The following DNM1 variants were observed in gnomAD, a reference collection of about 807,000 sequenced individuals.
The protein encoded by DNM1 is dynamin 1, also known as dynamin-1.
In DNM1, 29 loss-of-function variants were observed where a neutral mutation model predicts 104.6. That is an observed-to-expected ratio of 0.28 (90% CI 0.21 to 0.38). DNM1 has a LOEUF of 0.38. Ranked by LOEUF, DNM1 falls within the 10% of genes least tolerant of loss-of-function variation. The pLI, the probability that DNM1 is intolerant of heterozygous loss-of-function variation, is 1.00. For synonymous variants in DNM1, 445 were observed against 475.8 expected, an observed-to-expected ratio of 0.94 and a Z score of 0.84; for missense variants, 640 against 1,189.4, an observed-to-expected ratio of 0.54 and a Z score of 6.79.
Position 128,218,906 on chromosome 9 carries a change from C to A in DNM1, c.386-143C>A. The stretch of plus-strand genomic sequence containing the variant: ...CACTTCCGGCCACGCCTCCAACAGA[C>A]TGCCACTTTCGCCCTGAGATTTCCT... On this transcript the variant is annotated intron_variant, in intron 3 of 21. Coordinates refer to ENST00000372923, the MANE Select transcript of DNM1 (RefSeq NM_004408.4). This position sits in a 1 kb window ranked among gnomAD's most constrained non-coding sequence, Gnocchi z 4.8. 1 of 1,280,994 alleles carries A rather than the reference C, an allele frequency of 7.8e-7. No individual in the cohort carries two copies. Among genetic ancestry groups the A allele is most frequent in the Non-Finnish European group, 1.1e-6 (1 of 934,424 alleles). 79.4% of individuals were successfully genotyped at this position (1,280,994 alleles called of 1,614,324 possible).
chr9:128,218,170 C>T lies in DNM1; in HGVS notation c.162-61C>T. ...GCTTTCCCAGGGGCCGGACAGGTAC[C>T]CCTGGGACAGAGGGCGCCCCCTCAT... is the stretch of plus-strand genomic sequence containing the variant. On this transcript the variant is annotated intron_variant, in intron 1 of 21. Transcript: ENST00000372923. The surrounding 1 kb of genome is among the most constrained non-coding windows in gnomAD (Gnocchi z 4.8). 2.6e-6 allele frequency: 4 copies of T among 1,532,568 alleles called. No homozygotes were observed. The highest frequency in any genetic ancestry group is 2.2e-5 in the East Asian group (1 of 44,494). 94.9% of individuals were successfully genotyped at this position (1,532,568 alleles called of 1,614,324 possible).
rs1564330707 is a variant in DNM1 at position 128,220,744 on chromosome 9, T to TGCGC, written c.849+404_849+405insCGCG. Among the ~76,000 whole-genome samples, 1 of 87,296 alleles carries TGCGC rather than the reference T, an allele frequency of 1.1e-5. No homozygotes were observed. The highest frequency in any genetic ancestry group is 2.8e-5 in the Non-Finnish European group (1 of 35,280). The allele number at this position is 87,296 out of a possible 152,430, so 57.3% of individuals were successfully genotyped here. A position where few individuals can be genotyped will look rare whatever the true frequency, so the allele number is the denominator to read the frequency against. On this transcript the variant is annotated intron_variant, in intron 6 of 21. Coordinates refer to ENST00000372923, the MANE Select transcript of DNM1 (RefSeq NM_004408.4). The surrounding 1 kb of genome is among the most constrained non-coding windows in gnomAD (Gnocchi z 5.2). Reference sequence around the variant, plus strand: ...GAACTGAAGTGCGCGCGCGCGCGCGTGTGTGTGTGTGTGTGTGTGTGTGTC... The same window carrying TGCGC: ...GAACTGAAGTGCGCGCGCGCGCGCGTGCGCGTGTGTGTGTGTGTGTGTGTGTGTC...
chr9:128,206,674 G>C (rs991746773), intron 1 of DNM1, among the ~76,000 whole-genome samples: 2 of 152,054 alleles, frequency 1.3e-5, no homozygotes, highest in Non-Finnish European at 2.9e-5. Flanking sequence ...CAAAGGCCCC[G>C]GGGTAGCAAA....
chr9:128,253,356 A>C lies in DNM1; in HGVS notation c.2535-1298A>C. On this transcript the variant is annotated intron_variant, in intron 21 of 21. Transcript: ENST00000372923. This position sits in a 1 kb window ranked among gnomAD's most constrained non-coding sequence, Gnocchi z 5.9. ...CTCAGTGCCACTGCCCAAGGCCTCCATGGCTGAGCCTGGAGGCTCTTGGAA... is the reference window on the plus strand; with the variant it reads ...CTCAGTGCCACTGCCCAAGGCCTCCCTGGCTGAGCCTGGAGGCTCTTGGAA... The C allele has an allele frequency of 1.7e-6, 1 of 576,942 alleles. No individual in the cohort carries two copies. The highest frequency in any genetic ancestry group is 3.1e-6 in the Non-Finnish European group (1 of 322,650). The allele number at this position is 576,942 out of a possible 1,614,324, so 35.7% of individuals were successfully genotyped here. A position where few individuals can be genotyped will look rare whatever the true frequency, so the allele number is the denominator to read the frequency against.
In DNM1 at chr9:128,242,112, C is replaced by T. The variant is rs1419891311; in HGVS notation, c.1558-120C>T. 7.3e-6 allele frequency: 5 copies of T among 687,878 alleles called. 1 individual carries two copies. In the East Asian group the frequency reaches 1.4e-4, roughly 19 times the overall value. 42.6% of individuals were successfully genotyped at this position (687,878 alleles called of 1,614,324 possible). A position where few individuals can be genotyped will look rare whatever the true frequency, so the allele number is the denominator to read the frequency against. ...CAGGTCTGGCCCCCACCCTCCCTGA[C>T]TGCCAGGCCTCAGAGAGCTGGGAGA... On this transcript the variant is annotated intron_variant, in intron 14 of 21. Transcript: ENST00000372923.
chr9:128,214,018 G>T (rs529809905), intron 1 of DNM1, among the ~76,000 whole-genome samples: 8 of 152,120 alleles, frequency 5.3e-5, no homozygotes, highest in African/African-American at 1.9e-4. Context: ...CCACTCCCTT[G>T]CAGGCACCCC....
At position 128,248,816 on chromosome 9, in the gene DNM1, T is replaced by C. The variant is rs1829325626; in HGVS notation, c.2076+63T>C. ...GGCACTGGGGATGCAGGTGGCCATG[T>C]TGGCCTGGGGGAGATGCCAACCAGC... is the stretch of plus-strand genomic sequence containing the variant. On this transcript the variant is annotated intron_variant, in intron 19 of 21. Coordinates refer to ENST00000372923, the MANE Select transcript of DNM1 (RefSeq NM_004408.4). This position sits in a 1 kb window ranked among gnomAD's most constrained non-coding sequence, Gnocchi z 5.6. 9 of 1,571,314 alleles carry C rather than the reference T, an allele frequency of 5.7e-6. No homozygotes were observed. Among genetic ancestry groups the C allele is most frequent in the Admixed American group, 3.4e-5 (2 of 59,034 alleles).
rs749030612 is a variant in DNM1, at chr9:128,220,272, C to T, written c.780C>T (p.Leu260=). ...AALAAERKFF[L]SHPSYRHLAD... is the part of the protein sequence containing the mutation. ...TGGCTGCTGAACGAAAGTTCTTCCT[C>T]TCCCATCCATCTTATCGCCACTTGG... Residue 260 remains leucine (L), a synonymous_variant, in exon 6 of 22, where the codon CTC becomes CTT. Coordinates refer to ENST00000372923, the MANE Select transcript of DNM1 (RefSeq NM_004408.4). The surrounding 1 kb of genome is among the most constrained non-coding windows in gnomAD (Gnocchi z 5.2). 1.2e-6 allele frequency: 2 copies of T among 1,614,122 alleles called. No individual in the cohort carries two copies. Among genetic ancestry groups the T allele is most frequent in the Non-Finnish European group, 1.7e-6 (2 of 1,180,050 alleles).
rs1835194062 is a variant in DNM1 at position 128,224,171 on chromosome 9, T to C, written c.1197-80T>C. ...GGCCCCTCAGGCAGAGTTCGTGGGC[T>C]TGGGGAGGAGCCTCGGCCTGGCCCT... On this transcript the variant is annotated intron_variant, in intron 9 of 21. Transcript: ENST00000372923. The surrounding 1 kb of genome is among the most constrained non-coding windows in gnomAD (Gnocchi z 4.3). 6.5e-7 allele frequency: 1 copy of C among 1,533,988 alleles called. No individual in the cohort carries two copies. Among genetic ancestry groups the C allele is most frequent in the South Asian group, 1.3e-5 (1 of 76,848 alleles).
At chr9:128,208,109 G>A (rs1274697279) in intron 1 of DNM1, among the ~76,000 whole-genome samples, 1 of 150,812 alleles carries the variant, frequency 6.6e-6, no homozygotes, top group Non-Finnish European at 1.5e-5. Context: ...CCCAGACTTG[G>A]AATGCAATGG....
chr9:128,231,086 C>T (rs141568727), intron 10 of DNM1, among the ~76,000 whole-genome samples: 181 of 151,324 alleles, frequency 1.2e-3, no homozygotes, highest in African/African-American at 4.0e-3. Context: ...TACAGGCATG[C>T]GCCACCATGC....
At position 128,254,634 on chromosome 9, in the gene DNM1, G is replaced by C. The variant is rs753705712; in HGVS notation, c.2535-20G>C. The C allele has an allele frequency of 7.5e-6, 12 of 1,595,536 alleles. No individual in the cohort carries two copies. The African/African-American group carries it at 1.6e-4, about 21-fold the overall frequency. On this transcript the variant is annotated intron_variant, in intron 21 of 21. Transcript: ENST00000372923. The surrounding 1 kb of genome is among the most constrained non-coding windows in gnomAD (Gnocchi z 6.1). The stretch of plus-strand genomic sequence containing the variant: ...CGCTTTTCTCTCCCGTTTTCTCTCT[G>C]CTTTCTCTCCAACTGCCAGCCGATC...
At position 128,253,157 on chromosome 9, in the gene DNM1, C is replaced by T; in HGVS notation, c.2535-1497C>T. On this transcript the variant is annotated intron_variant, in intron 21 of 21. Coordinates refer to ENST00000372923, the MANE Select transcript of DNM1 (RefSeq NM_004408.4). This position sits in a 1 kb window ranked among gnomAD's most constrained non-coding sequence, Gnocchi z 5.9. The stretch of plus-strand genomic sequence containing the variant: ...GCCATGGTAGGTACATGCCTCACCG[C>T]CTGCTGCATGAACGGTGTGTCTGCC... The T allele has an allele frequency of 6.2e-7, 1 of 1,601,268 alleles. No homozygotes were observed.
intron 10 of DNM1, among the ~76,000 whole-genome samples, chr9:128,230,373 C>T (rs1755449000): frequency 6.7e-6 from 1 of 149,416 alleles, no homozygotes; most frequent in African/African-American, 2.5e-5. Flanking sequence ...ATCTCAAAGG[C>T]GTATTCACCA....
rs1290378096 is a variant in DNM1, at chr9:128,220,748, T to C, written c.849+407T>C. Among the ~76,000 whole-genome samples the C allele has an allele frequency of 4.3e-3, 449 of 103,382 alleles. 2 individuals carry two copies. The highest frequency in any genetic ancestry group is 0.01 in the African/African-American group (381 of 36,518). 67.8% of individuals were successfully genotyped at this position (103,382 alleles called of 152,430 possible). ...TGAAGTGCGCGCGCGCGCGCGTGTG[T>C]GTGTGTGTGTGTGTGTGTGTCTGTC... On this transcript the variant is annotated intron_variant, in intron 6 of 21. Coordinates refer to ENST00000372923, the MANE Select transcript of DNM1 (RefSeq NM_004408.4). This position sits in a 1 kb window ranked among gnomAD's most constrained non-coding sequence, Gnocchi z 5.2.
Position 128,254,562 on chromosome 9 carries a change from C to T in DNM1, c.2535-92C>T, listed in dbSNP as rs556722625. ...CGGCCCTCCCACCACTGCTGCGGCGCGGCCGGCCCCGGCCGTGTGCTGCGC... is the reference window on the plus strand; with the variant it reads ...CGGCCCTCCCACCACTGCTGCGGCGTGGCCGGCCCCGGCCGTGTGCTGCGC... On this transcript the variant is annotated intron_variant, in intron 21 of 21. Transcript: ENST00000372923. This position sits in a 1 kb window ranked among gnomAD's most constrained non-coding sequence, Gnocchi z 6.1. 3.4e-5 allele frequency: 54 copies of T among 1,585,366 alleles called. No homozygotes were observed. Among genetic ancestry groups the T allele is most frequent in the Middle Eastern group, 2.3e-4 (1 of 4,420 alleles).
At chr9:128,232,125 GT>G in intron 10 of DNM1, 4 of 445,232 alleles carry the variant, frequency 9.0e-6, no homozygotes, top group East Asian at 7.2e-5. Flanking sequence ...CATCCAGGCG[GT>G]TAGTGGGAGA....
At position 128,222,337 on chromosome 9, in the gene DNM1, G is replaced by T. The variant is rs761236543; in HGVS notation, c.990G>T (p.Leu330=). ...CAGCTCGCAAGACCAAGGCCCTGCT[G>T]CAGTGAGGCTCCCCCAGCTCCTATC... ...DDPARKTKAL[L]QMVQQFAVDF... The change falls in exon 7 of 22, where the codon CTG becomes CTT. Residue 330 remains leucine (L), a splice_region_variant and synonymous_variant. Transcript: ENST00000372923. The surrounding 1 kb of genome is among the most constrained non-coding windows in gnomAD (Gnocchi z 7.8). 14 of 1,612,734 alleles carry T rather than the reference G, an allele frequency of 8.7e-6. No homozygotes were observed. Among genetic ancestry groups the T allele is most frequent in the Non-Finnish European group, 1.2e-5 (14 of 1,179,276 alleles).
chr9:128,251,685 G>T (rs1390598117), intron 21 of DNM1: 1 of 152,816 alleles, frequency 6.5e-6, no homozygotes, highest in African/African-American at 2.4e-5. Context: ...TGTGGTAGGG[G>T]TGGCGGCAGG....
Sources: gnomAD v4.1 joint callset for allele counts (sites outside exome capture counted in the v4.1 genomes callset) on GRCh38, gnomAD v4.1.1 for gene constraint, Gnocchi (gnomAD v3.1) non-coding constraint, MANE v1.5 for transcripts, NCBI Gene and HGNC (gene_info 2026-07-23, HGNC 2026-07-21) for gene names.